MAP2K2: variants seen among roughly 807,000 people sequenced by gnomAD.
The protein encoded by MAP2K2 is mitogen-activated protein kinase kinase 2, also known as dual specificity mitogen-activated protein kinase kinase 2.
MAP2K2 carries 24 observed loss-of-function variants against 43.7 expected under a neutral mutation model. The observed-to-expected ratio is 0.55, with a 90% CI of 0.40 to 0.77. MAP2K2 has a LOEUF of 0.77. Ranked by LOEUF, MAP2K2 falls within the 30% of genes least tolerant of loss-of-function variation. The pLI is 0.00. For missense variants in MAP2K2, 470 were observed against 566.8 expected (o/e 0.83, Z 1.73); for synonymous variants, 244 against 239.7 (o/e 1.02, Z -0.17).
intron 10 of MAP2K2, among the ~76,000 whole-genome samples, chr19:4,093,868 G>C (rs1310872050): frequency 6.6e-6 from 1 of 152,180 alleles, no homozygotes; most frequent in African/African-American, 2.4e-5. Context: ...GCTGACGGTG[G>C]CTGTGGTATG....
intron 1 of MAP2K2, among the ~76,000 whole-genome samples, chr19:4,119,783 A>C (rs1279662189): frequency 6.6e-6 from 1 of 152,224 alleles, no homozygotes; most frequent in Non-Finnish European, 1.5e-5. Context: ...CAGAGGTCCC[A>C]ATTCAGGAAG....
chr19:4,121,578 C>T (rs1219776278), intron 1 of MAP2K2, among the ~76,000 whole-genome samples: 5 of 91,452 alleles, frequency 5.5e-5, no homozygotes, highest in Non-Finnish European at 8.5e-5. Context: ...CACAACATGA[C>T]CCCCCGAGGA....
At chr19:4,090,744 G>T in intron 10 of MAP2K2, 36 bp from the exon 11 acceptor site, 1 of 1,425,050 alleles carries the variant, frequency 7.0e-7, no homozygotes, top group Non-Finnish European at 9.7e-7. Flanking sequence ...ACCCGGGCCT[G>T]GAGTCACAGT....
At chr19:4,094,888 C>T (rs1314151428) in intron 9 of MAP2K2, 3 of 393,548 alleles carry the variant, frequency 7.6e-6, no homozygotes, top group African/African-American at 4.0e-5. Context: ...CGTTCCACGG[C>T]GTCCCGAGCT....
At chr19:4,121,360 C>T (rs915962141) in intron 1 of MAP2K2, among the ~76,000 whole-genome samples, 2 of 151,758 alleles carry the variant, frequency 1.3e-5, no homozygotes, top group East Asian at 3.9e-4. Context: ...CTGATCCCCA[C>T]GCCTCCTCGT....
chr19:4,122,741 C>T (rs578080528), intron 1 of MAP2K2, among the ~76,000 whole-genome samples: 23 of 149,596 alleles, frequency 1.5e-4, no homozygotes, highest in Middle Eastern at 3.6e-3. Context: ...CCACCATCTC[C>T]CCGATTTCAC....
chr19:4,090,356 A>G lies in MAP2K2; in HGVS notation c.*242T>C. On this transcript the variant is annotated 3_prime_UTR_variant, in exon 11 of 11. Transcript: ENST00000262948. ...CTCTCCCTGTTTTGTTTTGTAACCTAAGGAAGCAGAGCCTCTGAGACCACA... is the reference window on the plus strand; with the variant it reads ...CTCTCCCTGTTTTGTTTTGTAACCTGAGGAAGCAGAGCCTCTGAGACCACA... 1.7e-6 allele frequency: 1 copy of G among 595,266 alleles called. No homozygotes were observed. Among genetic ancestry groups the G allele is most frequent in the Non-Finnish European group, 3.0e-6 (1 of 333,380 alleles). The allele number at this position is 595,266 out of a possible 1,614,324, so 36.9% of individuals were successfully genotyped here. A position where few individuals can be genotyped will look rare whatever the true frequency, so the allele number is the denominator to read the frequency against.
rs2041044127 is a variant in MAP2K2 at position 4,103,481 on chromosome 19, T to C, written c.451-1028A>G. The C allele has an allele frequency of 2.6e-5, 3 of 117,266 alleles. No individual in the cohort carries two copies. In the Admixed American group the frequency reaches 2.6e-4, roughly 10 times the overall value. 7.3% of individuals were successfully genotyped at this position (117,266 alleles called of 1,614,324 possible). A position where few individuals can be genotyped will look rare whatever the true frequency, so the allele number is the denominator to read the frequency against. On this transcript the variant is annotated intron_variant, in intron 3 of 10. Transcript: ENST00000262948. ...CCACTGCCACCGTCTGGCGTGCGTC[T>C]CTTCTGTGCTCAGCAGAGAGGAAAG...
At chr19:4,123,523 C>T (rs542473490) in intron 1 of MAP2K2, among the ~76,000 whole-genome samples, 203 of 146,184 alleles carry the variant, frequency 1.4e-3, no homozygotes, top group Admixed American at 3.4e-3. Context: ...ACCCCCCTGC[C>T]CCGTGCACCC....
At chr19:4,094,718 C>T (rs938236465) in intron 9 of MAP2K2, 4 of 575,176 alleles carry the variant, frequency 7.0e-6, no homozygotes, top group African/African-American at 3.7e-5. Flanking sequence ...CACCCCCCAG[C>T]GGGAGGGTGA....
At chr19:4,102,704 G>C (rs1238709606) in intron 3 of MAP2K2, 4 of 1,198,214 alleles carry the variant, frequency 3.3e-6, no homozygotes, top group African/African-American at 1.5e-5. Flanking sequence ...CCTCGAATCA[G>C]TTGCGTGACT....
At chr19:4,100,839 T>C (rs987319190) in intron 6 of MAP2K2, 180 bp downstream of exon 6, 3 of 679,950 alleles carry the variant, frequency 4.4e-6, no homozygotes, top group Admixed American at 2.5e-5. Flanking sequence ...GCCCACGAAA[T>C]AGTTGGGAAA....
chr19:4,107,523 CAAAAAAAAAAAAAA>C lies in MAP2K2; in HGVS notation c.450+2972_450+2985del, dbSNP rs71166959. 3.4e-5 allele frequency among the ~76,000 whole-genome samples: 2 copies of C among 59,312 alleles called. 1 individual carries two copies. The highest frequency in any genetic ancestry group is 5.8e-5 in the Non-Finnish European group (2 of 34,222). The allele number at this position is 59,312 out of a possible 152,430, so 38.9% of individuals were successfully genotyped here. ...TGGGCGACAGAGCTAGACTCCGTCT[CAAAAAAAAAAAAAA>C]AAAAAAAAACAAACTTAAAAAGCTA... On this transcript the variant is annotated intron_variant, in intron 3 of 10. Coordinates refer to ENST00000262948, the MANE Select transcript of MAP2K2 (RefSeq NM_030662.4).
intron 1 of MAP2K2, among the ~76,000 whole-genome samples, chr19:4,118,073 G>A (rs549181095): frequency 6.6e-6 from 1 of 152,226 alleles, no homozygotes; most frequent in Non-Finnish European, 1.5e-5. Flanking sequence ...AAGTAGCTGA[G>A]ATTACAGGCT....
At chr19:4,119,111 T>C (rs748531653) in intron 1 of MAP2K2, among the ~76,000 whole-genome samples, 10 of 152,204 alleles carry the variant, frequency 6.6e-5, no homozygotes, top group Non-Finnish European at 1.3e-4. Context: ...TACAGCTCAC[T>C]GCAGCCTCCA....
intron 9 of MAP2K2, chr19:4,094,894 G>A (rs1047723540): frequency 7.8e-6 from 3 of 385,724 alleles, no homozygotes; most frequent in East Asian, 8.6e-5. Context: ...ACGGCGTCCC[G>A]AGCTCACACA....
At chr19:4,105,178 G>GTGTGTC (rs1393292901) in intron 3 of MAP2K2, among the ~76,000 whole-genome samples, 1 of 150,502 alleles carries the variant, frequency 6.6e-6, no homozygotes, top group African/African-American at 2.5e-5. Context: ...GTGTGTGTGT[G>GTGTGTC]TGTGTGTGTG....
rs1018986190 is a variant in MAP2K2 at position 4,091,171 on chromosome 19, C to T, written c.1093-463G>A. Among the ~76,000 whole-genome samples, 9 of 152,274 alleles carry T rather than the reference C, an allele frequency of 5.9e-5. 1 individual carries two copies. The highest frequency in any genetic ancestry group is 2.6e-4 in the Admixed American group (4 of 15,292). The stretch of plus-strand genomic sequence containing the variant: ...GTCCTCAGCCATTGCCAGGGTCCCC[C>T]GGAGCAGGACAGCCCAGGCAAGAAC... On this transcript the variant is annotated intron_variant, in intron 10 of 10. Transcript: ENST00000262948.
chr19:4,100,022 G>C (rs921738946), intron 6 of MAP2K2: 1 of 156,838 alleles, frequency 6.4e-6, no homozygotes, highest in Non-Finnish European at 1.4e-5. Context: ...GGCCGAGGCG[G>C]GCGGATCACA....
Sources: gnomAD v4.1 joint callset for allele counts (sites outside exome capture counted in the v4.1 genomes callset) on GRCh38, gnomAD v4.1.1 for gene constraint, MANE v1.5 for transcripts, NCBI Gene and HGNC (gene_info 2026-07-23, HGNC 2026-07-21) for gene names.